Variants in THRAP3 observed in about 807,000 individuals in gnomAD.
THRAP3 encodes thyroid hormone receptor-associated protein 3.
THRAP3 carries 16 observed loss-of-function variants against 101.0 expected under a neutral mutation model. The ratio of observed to expected loss-of-function variants is 0.16; its 90% CI spans 0.11 to 0.24. THRAP3 has a LOEUF of 0.24. Ranked by LOEUF, THRAP3 falls within the 10% of genes least tolerant of loss-of-function variation. The pLI is 1.00. For synonymous variants in THRAP3, 407 were observed against 422.6 expected, an observed-to-expected ratio of 0.96 and a Z score of 0.45; for missense variants, 989 against 1,202.7, an observed-to-expected ratio of 0.82 and a Z score of 2.63.
chr1:36,277,445 C>G (rs1388490218), intron 2 of THRAP3, among the ~76,000 whole-genome samples: 3 of 152,042 alleles, frequency 2.0e-5, no homozygotes, highest in Non-Finnish European at 4.4e-5. Flanking sequence ...GGTGATCCAC[C>G]CACTTCAGTC....
chr1:36,275,119 A>ACACACG (rs1645641058), intron 2 of THRAP3, among the ~76,000 whole-genome samples: 1 of 146,016 alleles, frequency 6.8e-6, no homozygotes, highest in African/African-American at 2.5e-5. Context: ...TAAAAAATAC[A>ACACACG]CACACACACA....
At chr1:36,276,216 G>C (rs1196035267) in intron 2 of THRAP3, among the ~76,000 whole-genome samples, 2 of 143,736 alleles carry the variant, frequency 1.4e-5, no homozygotes, top group Non-Finnish European at 3.0e-5. Context: ...GTTCAGCAGA[G>C]TAAAAAAAAA....
In THRAP3 at chr1:36,243,600, T is replaced by C. The variant is rs528497058; in HGVS notation, c.-134-15782T>C. Among the ~76,000 whole-genome samples the C allele has an allele frequency of 3.9e-5, 6 of 152,174 alleles. No individual in the cohort carries two copies. In the East Asian group the frequency reaches 5.8e-4, roughly 15 times the overall value. ...GAAAAGTCTCCCATGTCTACCTCCT[T>C]CTACACAGACACGGCAACCATCCGA... is the stretch of plus-strand genomic sequence containing the variant. On this transcript the variant is annotated intron_variant, in intron 1 of 11. Transcript: ENST00000354618.
At chr1:36,247,011 A>G (rs1645239361) in intron 1 of THRAP3, among the ~76,000 whole-genome samples, 1 of 151,692 alleles carries the variant, frequency 6.6e-6, no homozygotes, top group Non-Finnish European at 1.5e-5. Flanking sequence ...GGCCTTTCTT[A>G]GTCTTTTTTA....
intron 1 of THRAP3, chr1:36,225,310 G>T: frequency 6.6e-6 from 1 of 152,318 alleles, no homozygotes. Flanking sequence ...AGAAGGACCT[G>T]GCAAGAGAGA....
chr1:36,259,100 G>A (rs1454153585), intron 1 of THRAP3, among the ~76,000 whole-genome samples: 1 of 152,190 alleles, frequency 6.6e-6, no homozygotes, highest in Non-Finnish European at 1.5e-5. Flanking sequence ...TGGAGCTTGT[G>A]AATTAGTCTT....
chr1:36,261,144 G>A (rs1303123757), intron 2 of THRAP3, among the ~76,000 whole-genome samples: 1 of 151,984 alleles, frequency 6.6e-6, no homozygotes, highest in African/African-American at 2.4e-5. Flanking sequence ...ACACCTGTAA[G>A]CGAAGCACTT....
the THRAP3 span, among the ~76,000 whole-genome samples, chr1:36,212,881 T>C: frequency 6.6e-6 from 1 of 152,038 alleles, no homozygotes; most frequent in Non-Finnish European, 1.5e-5. Context: ...ACAAACGCAG[T>C]TGGTGTTGGA....
chr1:36,299,388 G>A (rs555606479), intron 9 of THRAP3, among the ~76,000 whole-genome samples: 191 of 151,850 alleles, frequency 1.3e-3, no homozygotes, highest in African/African-American at 4.5e-3. Context: ...GCAGTGAGCC[G>A]AGATCGCACG....
At chr1:36,278,751 G>A (rs1012963226) in intron 2 of THRAP3, among the ~76,000 whole-genome samples, 5 of 151,884 alleles carry the variant, frequency 3.3e-5, no homozygotes, top group South Asian at 2.1e-4. Flanking sequence ...GTGAAACCCC[G>A]TCTTTACTAA....
At chr1:36,232,992 C>A (rs1027162368) in intron 1 of THRAP3, among the ~76,000 whole-genome samples, 2 of 150,472 alleles carry the variant, frequency 1.3e-5, no homozygotes, top group African/African-American at 4.9e-5. Flanking sequence ...CCTGAGCCTC[C>A]TGAGAAGCTG....
chr1:36,294,791 C>T (rs1645923969), intron 8 of THRAP3, among the ~76,000 whole-genome samples: 1 of 152,168 alleles, frequency 6.6e-6, no homozygotes. Context: ...GAAGAGATCT[C>T]GTCCTCCATG....
chr1:36,228,981 C>G (rs1181615290), intron 1 of THRAP3, among the ~76,000 whole-genome samples: 1 of 152,196 alleles, frequency 6.6e-6, no homozygotes, highest in Non-Finnish European at 1.5e-5. Context: ...GCCTGGGCGA[C>G]AGAGCCAGAC....
chr1:36,234,789 C>T lies in THRAP3; in HGVS notation c.-135+10284C>T, dbSNP rs919629207. Among the ~76,000 whole-genome samples the T allele has an allele frequency of 2.8e-5, 4 of 143,616 alleles. No homozygotes were observed. In the South Asian group the frequency reaches 9.2e-4, roughly 33 times the overall value. 94.2% of individuals were successfully genotyped at this position (143,616 alleles called of 152,430 possible). A position where few individuals can be genotyped will look rare whatever the true frequency, so the allele number is the denominator to read the frequency against. ...AGAACCTAGCTTGCCTCTTCTCTTCCTTTATTTCTGTTTCAGTCTTTTTTT... is the reference window on the plus strand; with the variant it reads ...AGAACCTAGCTTGCCTCTTCTCTTCTTTTATTTCTGTTTCAGTCTTTTTTT... On this transcript the variant is annotated intron_variant, in intron 1 of 11. Coordinates refer to ENST00000354618, the MANE Select transcript of THRAP3 (RefSeq NM_005119.4).
chr1:36,250,121 C>G (rs1645281153), intron 1 of THRAP3, among the ~76,000 whole-genome samples: 1 of 151,826 alleles, frequency 6.6e-6, no homozygotes, highest in African/African-American at 2.4e-5. Context: ...AAGGTAGACT[C>G]TGGATATATT....
At chr1:36,301,495 G>A (rs1052972578) in intron 10 of THRAP3, 58 bp from the exon 11 acceptor site, 2 of 1,585,148 alleles carry the variant, frequency 1.3e-6, no homozygotes, top group African/African-American at 1.4e-5. Flanking sequence ...AAGCAGGGGG[G>A]TTTGTTCCCC....
At chr1:36,225,790 C>T (rs1644955801) in intron 1 of THRAP3, among the ~76,000 whole-genome samples, 1 of 152,154 alleles carries the variant, frequency 6.6e-6, no homozygotes, top group African/African-American at 2.4e-5. Flanking sequence ...TCAGTTTGTT[C>T]TTTGCCGGGA....
At chr1:36,254,925 G>A (rs892358494) in intron 1 of THRAP3, among the ~76,000 whole-genome samples, 1 of 152,150 alleles carries the variant, frequency 6.6e-6, no homozygotes, top group Admixed American at 6.5e-5. Context: ...TTATTTGGAA[G>A]TGATCTGTTT....
At position 36,256,825 on chromosome 1, in the gene THRAP3, C is replaced by T. The variant is rs182233740; in HGVS notation, c.-134-2557C>T. ...TTCTTTTTTTTTGAGACAAGAGTTT[C>T]GCTATTGTTGTCCAGGCTGGAGTGC... On this transcript the variant is annotated intron_variant, in intron 1 of 11. Transcript: ENST00000354618. Among the ~76,000 whole-genome samples the T allele has an allele frequency of 1.6e-4, 24 of 151,842 alleles. No homozygotes were observed. In the East Asian group the frequency reaches 4.3e-3, roughly 27 times the overall value.
Sources: allele counts gnomAD v4.1 joint callset (sites outside exome capture counted in the v4.1 genomes callset), GRCh38; gene constraint gnomAD v4.1.1; transcripts MANE v1.5; gene names NCBI Gene and HGNC (gene_info 2026-07-23, HGNC 2026-07-21).